Variants in LRR1 observed in about 807,000 individuals in gnomAD.
The protein encoded by LRR1 is leucine rich repeat protein 1.
Under a neutral mutation model 31.6 loss-of-function variants are expected in LRR1, and 29 were observed. That is an observed-to-expected ratio of 0.92 (90% CI 0.68 to 1.25). The LOEUF is 1.25. Among genes scored for constraint, LRR1 ranks in the 50% most tolerant of loss-of-function variants. LRR1 has a pLI of 0.00. For synonymous variants in LRR1, 179 were observed against 181.4 expected (o/e 0.99, Z 0.10); for missense variants, 485 against 487.2 (o/e 1.00, Z 0.04).
intron 2 of LRR1, 131 bp downstream of exon 2, chr14:49,602,599 G>A: frequency 1.5e-6 from 1 of 668,834 alleles, no homozygotes; most frequent in South Asian, 1.9e-5. Flanking sequence ...AAACACCTAG[G>A]CTCAAGCGAG....
intron 2 of LRR1, among the ~76,000 whole-genome samples, chr14:49,603,833 C>A (rs1038326063): frequency 6.6e-6 from 1 of 151,546 alleles, no homozygotes; most frequent in African/African-American, 2.4e-5. Context: ...GCTGGGATTA[C>A]AGGCACGTGC....
Position 49,607,577 on chromosome 14 carries a change from T to C in LRR1, c.460T>C (p.Tyr154His). 6.2e-7 allele frequency: 1 copy of C among 1,614,194 alleles called. No homozygotes were observed. Among genetic ancestry groups the C allele is most frequent in the Non-Finnish European group, 8.5e-7 (1 of 1,180,012 alleles). ...CTATCCTCTAAGTAAGAATTTTCCA[T>C]ATTCCTTGGAACATCTTCAGACTTC... ...KDYPLSKNFP[Y>H]SLEHLQTSYC... Residue 154 changes from tyrosine (Y) to histidine (H), a missense_variant, in exon 3 of 4, where the codon TAT (tyrosine) becomes CAT (histidine). Physicochemically the swap from Tyr to His is moderately conservative, Grantham distance 83. Coordinates refer to ENST00000298288, the MANE Select transcript of LRR1 (RefSeq NM_152329.4).
At chr14:49,603,382 C>T (rs1232949444) in intron 2 of LRR1, among the ~76,000 whole-genome samples, 1 of 152,232 alleles carries the variant, frequency 6.6e-6, no homozygotes, top group Middle Eastern at 3.4e-3. Flanking sequence ...TTGACTGGAA[C>T]TCTATAAGGC....
In LRR1 at chr14:49,607,946, T is replaced by C. The variant is rs776369631; in HGVS notation, c.829T>C (p.Leu277=). ...AGGACAACTAATAAACCTTCGCTTT[T>C]TGTCAGCAGCTCGAAATAAGCTTCC... is the stretch of plus-strand genomic sequence containing the variant. ...KIGQLINLRF[L]SAARNKLPFL... The change falls in exon 3 of 4, where the codon TTG becomes CTG. Residue 277 remains leucine, a synonymous_variant. Transcript: ENST00000298288. The C allele has an allele frequency of 7.4e-6, 12 of 1,614,134 alleles. No individual in the cohort carries two copies. Among genetic ancestry groups the C allele is most frequent in the African/African-American group, 1.3e-5 (1 of 75,056 alleles).
chr14:49,601,606 T>A (rs1882054658), intron 1 of LRR1: 1 of 1,289,284 alleles, frequency 7.8e-7, no homozygotes, highest in Non-Finnish European at 1.0e-6. Context: ...TATAACCTAC[T>A]GGGAGGTGTG....
At chr14:49,612,485 A>G (rs1322653633) in intron 3 of LRR1, 1 of 1,262,434 alleles carries the variant, frequency 7.9e-7, no homozygotes, top group African/African-American at 1.5e-5. Flanking sequence ...CATCTATCCG[A>G]AAGAGATTAA....
Position 49,607,590 on chromosome 14 carries a change from A to T in LRR1, c.473A>T (p.His158Leu), listed in dbSNP as rs1882332668. Residue 158 changes from histidine to leucine, a missense_variant, in exon 3 of 4, where the codon CAT becomes CTT. His to Leu is a moderately conservative substitution (Grantham distance 99). Around this residue, in one of 3 missense-constraint regions of LRR1, gnomAD observed 260 missense variants for 249.6 expected, o/e 1.04. Transcript: ENST00000298288. ...AAGAATTTTCCATATTCCTTGGAAC[A>T]TCTTCAGACTTCTTACTGTGGGCTT... ...LSKNFPYSLEHLQTSYCGLVR... is the reference protein window; with the variant it reads ...LSKNFPYSLELLQTSYCGLVR... The T allele has an allele frequency of 5.6e-6, 9 of 1,614,226 alleles. No individual in the cohort carries two copies. The East Asian group carries it at 1.8e-4, about 32-fold the overall frequency.
At chr14:49,599,257 C>T in intron 1 of LRR1, 54 bp downstream of exon 1, 1 of 1,502,774 alleles carries the variant, frequency 6.7e-7, no homozygotes, top group Non-Finnish European at 8.9e-7. Context: ...GAAGCCGAGA[C>T]GCGGGCCACC....
At chr14:49,601,486 G>C in intron 1 of LRR1, 1 of 597,472 alleles carries the variant, frequency 1.7e-6, no homozygotes, top group South Asian at 1.5e-5. Context: ...CATTTATATA[G>C]ATGATAATCA....
In LRR1 at chr14:49,614,627, C is replaced by A; in HGVS notation, c.*131C>A. 8.0e-7 allele frequency: 1 copy of A among 1,256,320 alleles called. No homozygotes were observed. The highest frequency in any genetic ancestry group is 1.1e-6 in the Non-Finnish European group (1 of 877,136). The allele number at this position is 1,256,320 out of a possible 1,614,324, so 77.8% of individuals were successfully genotyped here. A position where few individuals can be genotyped will look rare whatever the true frequency, so the allele number is the denominator to read the frequency against. Reference sequence around the variant, plus strand: ...GAGAGGAGGAATGTGTATAGTTACTCATTTAGATGACTCCAAAACTTTTAT... The same window carrying A: ...GAGAGGAGGAATGTGTATAGTTACTAATTTAGATGACTCCAAAACTTTTAT... On this transcript the variant is annotated 3_prime_UTR_variant, in exon 4 of 4. Transcript: ENST00000298288.
At chr14:49,611,252 G>T (rs1281704939) in intron 3 of LRR1, among the ~76,000 whole-genome samples, 1 of 152,048 alleles carries the variant, frequency 6.6e-6, no homozygotes, top group African/African-American at 2.4e-5. Context: ...CGAGGCAGGC[G>T]GATCACAAGG....
intron 1 of LRR1, chr14:49,600,720 G>T: frequency 9.9e-7 from 1 of 1,007,752 alleles, no homozygotes; most frequent in Non-Finnish European, 1.4e-6. Context: ...TTCAAAACTT[G>T]AAAGAAAACA....
intron 1 of LRR1, chr14:49,600,920 T>C: frequency 6.7e-7 from 1 of 1,499,058 alleles, no homozygotes; most frequent in Non-Finnish European, 9.0e-7. Flanking sequence ...AAAACAGAGC[T>C]GTAGATGGAA....
At chr14:49,612,759 C>G (rs1270211918) in intron 3 of LRR1, 3 of 532,780 alleles carry the variant, frequency 5.6e-6, no homozygotes, top group Non-Finnish European at 7.5e-6. Flanking sequence ...ATGTGCCAGC[C>G]TAAGCTAGAG....
At chr14:49,601,921 C>T (rs771590130) in intron 1 of LRR1, among the ~76,000 whole-genome samples, 10 of 151,618 alleles carry the variant, frequency 6.6e-5, no homozygotes, top group Non-Finnish European at 1.5e-4. Flanking sequence ...TCACTTGAGG[C>T]CAGGAGTTCT....
chr14:49,612,616 G>A (rs983575060), intron 3 of LRR1: 43 of 1,072,810 alleles, frequency 4.0e-5, no homozygotes, highest in Admixed American at 4.5e-5. Flanking sequence ...CCTAGATCCC[G>A]TACCAAAGGT....
intron 3 of LRR1, chr14:49,612,505 G>A (rs781674071): frequency 1.2e-5 from 15 of 1,262,374 alleles, no homozygotes; most frequent in Non-Finnish European, 1.4e-5. Context: ...ATGTAAACAT[G>A]TGGGAGACAC....
chr14:49,612,615 C>T lies in LRR1; in HGVS notation c.1005-1641C>T, dbSNP rs1882553111. Reference sequence around the variant, plus strand: ...TTGCAAATAGGGCCATCCTAGATCCCGTACCAAAGGTAACCGCTGTTTTTT... The same window carrying T: ...TTGCAAATAGGGCCATCCTAGATCCTGTACCAAAGGTAACCGCTGTTTTTT... On this transcript the variant is annotated intron_variant, in intron 3 of 3. Coordinates refer to ENST00000298288, the MANE Select transcript of LRR1 (RefSeq NM_152329.4). 7 of 1,090,742 alleles carry T rather than the reference C, an allele frequency of 6.4e-6. 1 individual carries two copies. In the South Asian group the frequency reaches 1.4e-4, roughly 21 times the overall value. 67.6% of individuals were successfully genotyped at this position (1,090,742 alleles called of 1,614,324 possible).
In LRR1 at chr14:49,599,038, G is replaced by T. The variant is rs1195631735; in HGVS notation, c.18G>T (p.Glu6Asp). The T allele has an allele frequency of 6.2e-7, 1 of 1,609,490 alleles. No homozygotes were observed. The highest frequency in any genetic ancestry group is 8.5e-7 in the Non-Finnish European group (1 of 1,178,092). MKLHC[E>D]VEVISRHLPA... ...TGGGCGAGATGAAGCTACACTGTGA[G>T]GTGGAGGTGATCAGCCGGCACTTGC... The change falls in exon 1 of 4, where the codon GAG becomes GAT. Residue 6 changes from glutamate (E) to aspartate (D), a missense_variant. By Grantham distance (45) the Glu-to-Asp change is conservative. Transcript: ENST00000298288.
Sources: gnomAD v4.1 joint callset for allele counts (sites outside exome capture counted in the v4.1 genomes callset) on GRCh38, gnomAD v4.1.1 for gene constraint, gnomAD v4.1.1 regional missense constraint, MANE v1.5 for transcripts, NCBI Gene and HGNC (gene_info 2026-07-23, HGNC 2026-07-21) for gene names.